The following RAB27B variants were observed in gnomAD, a reference collection of about 807,000 sequenced individuals.
The protein encoded by RAB27B is ras-related protein Rab-27B.
A neutral mutation model predicts 24.6 loss-of-function variants in RAB27B; 15 were observed. That is an observed-to-expected ratio of 0.61 (90% confidence interval 0.41 to 0.94). The LOEUF (loss-of-function observed/expected upper bound fraction) is 0.94, where lower values mean the gene tolerates loss of function less well. Ranked by LOEUF, RAB27B falls within the 40% of genes least tolerant of loss-of-function variation. The probability of loss-of-function intolerance (pLI) is 0.00; values close to 1 mark genes in which losing one functional copy is unlikely to be tolerated. For missense variants in RAB27B, 261 were observed against 266.8 expected (o/e 0.98, Z 0.15); for synonymous variants, 105 against 92.5 (o/e 1.14, Z -0.78).
intron 2 of RAB27B, among the ~76,000 whole-genome samples, chr18:54,753,058 G>A (rs2085790914): frequency 6.6e-6 from 1 of 152,122 alleles, no homozygotes; most frequent in South Asian, 2.1e-4. Flanking sequence ...TAGGCATGAA[G>A]AAAATGATCA....
chr18:54,851,091 C>T (rs982831254), intron 1 of RAB27B, among the ~76,000 whole-genome samples: 2 of 151,958 alleles, frequency 1.3e-5, no homozygotes, highest in Admixed American at 1.3e-4. Flanking sequence ...AGTTATAGTC[C>T]GGCAACTCAA....
At chr18:54,789,544 T>C (rs893696681) in intron 2 of RAB27B, among the ~76,000 whole-genome samples, 2 of 152,156 alleles carry the variant, frequency 1.3e-5, no homozygotes, top group African/African-American at 4.8e-5. Flanking sequence ...TATATTATTA[T>C]CCAAATACAG....
chr18:54,789,424 TAGAA>T lies in RAB27B; in HGVS notation c.-20+71287_-20+71290del, dbSNP rs552870903. ...TTTAAATACTAGGTAAACAAAATAT[TAGAA>T]AGATGTTTAGATAATATTGTCCCAA... On this transcript the variant is annotated intron_variant, in intron 2 of 4. Transcript: ENST00000586570. Among the ~76,000 whole-genome samples, 13 of 152,214 alleles carry T rather than the reference TAGAA, an allele frequency of 8.5e-5. 2 individuals are homozygous for T. The South Asian group carries it at 2.3e-3, about 27-fold the overall frequency.
chr18:54,840,553 A>T (rs1911067304), intron 1 of RAB27B, among the ~76,000 whole-genome samples: 1 of 152,238 alleles, frequency 6.6e-6, no homozygotes, highest in African/African-American at 2.4e-5. Flanking sequence ...CAGTGCTATG[A>T]CCTGGAATTT....
At chr18:54,832,935 A>T (rs1330814263) in intron 1 of RAB27B, among the ~76,000 whole-genome samples, 1 of 152,228 alleles carries the variant, frequency 6.6e-6, no homozygotes, top group Non-Finnish European at 1.5e-5. Flanking sequence ...AATTCTAAAG[A>T]GAATTGAAAA....
At chr18:54,845,136 G>T (rs1210055998) in intron 1 of RAB27B, among the ~76,000 whole-genome samples, 1 of 152,174 alleles carries the variant, frequency 6.6e-6, no homozygotes, top group Non-Finnish European at 1.5e-5. Context: ...ACCTGTCGCA[G>T]TGGCTCATGC....
At chr18:54,764,843 G>A (rs573010254) in intron 2 of RAB27B, among the ~76,000 whole-genome samples, 7 of 152,034 alleles carry the variant, frequency 4.6e-5, no homozygotes, top group Non-Finnish European at 7.4e-5. Flanking sequence ...TCTAACTGCC[G>A]CATGCTGTCT....
intron 2 of RAB27B, among the ~76,000 whole-genome samples, chr18:54,719,493 C>T (rs915482760): frequency 6.6e-6 from 1 of 151,832 alleles, no homozygotes; most frequent in Admixed American, 6.6e-5. Context: ...TATTAACTTG[C>T]AGTATCTGTA....
intron 1 of RAB27B, among the ~76,000 whole-genome samples, chr18:54,834,206 C>T (rs955351059): frequency 6.6e-6 from 1 of 151,990 alleles, no homozygotes; most frequent in Non-Finnish European, 1.5e-5. Flanking sequence ...GTTTAATATC[C>T]AGAAAAGCAG....
At chr18:54,820,721 G>T (rs1305080677) in intron 2 of RAB27B, among the ~76,000 whole-genome samples, 1 of 152,118 alleles carries the variant, frequency 6.6e-6, no homozygotes, top group Non-Finnish European at 1.5e-5. Context: ...TATTGCCTGG[G>T]TTTTCTTCTA....
intron 2 of RAB27B, among the ~76,000 whole-genome samples, chr18:54,775,700 A>G (rs1908692949): frequency 6.6e-6 from 1 of 152,128 alleles, no homozygotes; most frequent in Admixed American, 6.5e-5. Context: ...AATTTCCTCC[A>G]CATCTATGCT....
At chr18:54,750,692 T>A (rs909388103) in intron 2 of RAB27B, among the ~76,000 whole-genome samples, 6 of 152,130 alleles carry the variant, frequency 3.9e-5, no homozygotes, top group Admixed American at 2.6e-4. Flanking sequence ...CAGAGTACAT[T>A]CACCGAATTC....
intron 2 of RAB27B, among the ~76,000 whole-genome samples, chr18:54,805,200 T>C (rs1244109598): frequency 6.6e-6 from 1 of 151,972 alleles, no homozygotes; most frequent in Non-Finnish European, 1.5e-5. Flanking sequence ...TCAGCTCTGG[T>C]TGGCATCACA....
At chr18:54,726,299 A>G (rs888862162) in intron 2 of RAB27B, among the ~76,000 whole-genome samples, 2 of 151,580 alleles carry the variant, frequency 1.3e-5, no homozygotes, top group African/African-American at 4.8e-5. Flanking sequence ...CTGCCATTAA[A>G]CTGATGACGA....
chr18:54,879,458 A>T lies in RAB27B; in HGVS notation c.239+4A>T. On this transcript the variant is annotated splice_donor_region_variant and intron_variant, in intron 3 of 5. Transcript: ENST00000262094. ...GGGACACTGCGGGACAAGAGCGGTAATAGTAAATTGCTTTATTTGTGGCTA... is the reference window on the plus strand; with the variant it reads ...GGGACACTGCGGGACAAGAGCGGTATTAGTAAATTGCTTTATTTGTGGCTA... 6.2e-7 allele frequency: 1 copy of T among 1,606,240 alleles called. No homozygotes were observed. The highest frequency in any genetic ancestry group is 8.5e-7 in the Non-Finnish European group (1 of 1,172,846).
intron 1 of RAB27B, among the ~76,000 whole-genome samples, chr18:54,847,950 A>T (rs1911405573): frequency 6.6e-6 from 1 of 152,256 alleles, no homozygotes; most frequent in African/African-American, 2.4e-5. Flanking sequence ...GCAGATTCAG[A>T]CACTCCAGTG....
In RAB27B at chr18:54,836,577, G is replaced by C. The variant is rs552879059; in HGVS notation, c.-20+7877G>C. ...CAGAGAACTAACTCAAAATAGAAAA[G>C]GAACAATTAAAATTCATAAATATTA... is the stretch of plus-strand genomic sequence containing the variant. On this transcript the variant is annotated intron_variant, in intron 1 of 5. Transcript: ENST00000262094. 3.3e-5 allele frequency among the ~76,000 whole-genome samples: 5 copies of C among 152,008 alleles called. No individual in the cohort carries two copies. The South Asian group carries it at 1.0e-3, about 32-fold the overall frequency.
At chr18:54,844,096 C>G (rs190020390) in intron 1 of RAB27B, among the ~76,000 whole-genome samples, 13 of 152,154 alleles carry the variant, frequency 8.5e-5, no homozygotes. Context: ...GAGCAAAGTT[C>G]ATGAATAAAA....
chr18:54,742,287 TAC>T (rs1329429490), intron 2 of RAB27B, among the ~76,000 whole-genome samples: 1 of 152,210 alleles, frequency 6.6e-6, no homozygotes, highest in Non-Finnish European at 1.5e-5. Flanking sequence ...GTGGGTGGAA[TAC>T]AGTGTTGAAG....
Sources: gnomAD v4.1 joint callset for allele counts (sites outside exome capture counted in the v4.1 genomes callset) on GRCh38, gnomAD v4.1.1 for gene constraint, MANE v1.5 for transcripts, NCBI Gene and HGNC (gene_info 2026-07-23, HGNC 2026-07-21) for gene names.